The following SAMMSON variants were observed in gnomAD, a reference collection of about 807,000 sequenced individuals.
SAMMSON encodes survival associated mitochondrial melanoma specific oncogenic non-coding RNA, also known as long intergenic non-protein coding RNA 1212.
downstream of SAMMSON, among the ~76,000 whole-genome samples, chr3:70,393,150 TTACTA>T (rs1316459668): frequency 6.6e-6 from 1 of 152,218 alleles, no homozygotes; most frequent in African/African-American, 2.4e-5. Context: ...TTTATGGCCT[TTACTA>T]TAATATTTTG....
intron 6 of SAMMSON, among the ~76,000 whole-genome samples, chr3:70,250,406 G>T (rs1441905993): frequency 8.0e-6 from 1 of 125,092 alleles, no homozygotes; most frequent in East Asian, 3.0e-4. Flanking sequence ...TTCTTTTAAT[G>T]AATCTCACAC....
chr3:70,207,692 A>T (rs1428762926), intron 4 of SAMMSON, among the ~76,000 whole-genome samples: 2 of 152,106 alleles, frequency 1.3e-5, no homozygotes, highest in African/African-American at 4.8e-5. Flanking sequence ...ACAGTATAAC[A>T]ACCACTTACA....
intron 4 of SAMMSON, among the ~76,000 whole-genome samples, chr3:70,228,708 A>G (rs1464712037): frequency 1.3e-5 from 2 of 151,074 alleles, no homozygotes; most frequent in African/African-American, 4.9e-5. Context: ...GATGAAGGAA[A>G]TGTATATTCT....
intron 7 of SAMMSON, among the ~76,000 whole-genome samples, chr3:70,317,494 T>C (rs962940212): frequency 2.0e-5 from 3 of 151,908 alleles, no homozygotes; most frequent in East Asian, 3.9e-4. Flanking sequence ...TGTTTTTTTG[T>C]CTAACCAAAA....
At chr3:70,047,196 A>G (rs935385730) in intron 3 of SAMMSON, among the ~76,000 whole-genome samples, 4 of 152,164 alleles carry the variant, frequency 2.6e-5, no homozygotes, top group African/African-American at 9.7e-5. Context: ...AGTATGGTGC[A>G]TAGTATGCAC....
At chr3:70,388,878 T>C (rs984385047) in intron 9 of SAMMSON, among the ~76,000 whole-genome samples, 4 of 152,092 alleles carry the variant, frequency 2.6e-5, no homozygotes, top group Admixed American at 6.6e-5. Flanking sequence ...TGATCCCTAA[T>C]GTGGCAGTGT....
chr3:70,022,165 A>G (rs2067016194), intron 3 of SAMMSON, among the ~76,000 whole-genome samples: 1 of 151,678 alleles, frequency 6.6e-6, no homozygotes, highest in Non-Finnish European at 1.5e-5. Context: ...ATATACAGGG[A>G]TTTCTACAAA....
intron 4 of SAMMSON, among the ~76,000 whole-genome samples, chr3:70,186,931 T>A (rs1701096376): frequency 6.6e-6 from 1 of 152,206 alleles, no homozygotes; most frequent in African/African-American, 2.4e-5. Flanking sequence ...TAACCTAGTT[T>A]GAGTACTAAG....
At chr3:70,013,019 A>T (rs1295720167) in intron 2 of SAMMSON, among the ~76,000 whole-genome samples, 1 of 152,148 alleles carries the variant, frequency 6.6e-6, no homozygotes, top group Non-Finnish European at 1.5e-5. Context: ...TAGTTTTGAA[A>T]CATACTTGCT....
chr3:70,391,970 C>T (rs1363795416), downstream of SAMMSON, among the ~76,000 whole-genome samples: 1 of 152,064 alleles, frequency 6.6e-6, no homozygotes, highest in Non-Finnish European at 1.5e-5. Context: ...TGTTATGTCA[C>T]GAGAACTCTA....
intron 6 of SAMMSON, among the ~76,000 whole-genome samples, chr3:70,256,892 G>T (rs1408736636): frequency 1.3e-5 from 2 of 152,150 alleles, no homozygotes; most frequent in African/African-American, 4.8e-5. Flanking sequence ...ATGGATGCTT[G>T]GGATTTCAGC....
At chr3:70,261,166 T>G (rs563279737) in intron 6 of SAMMSON, among the ~76,000 whole-genome samples, 4 of 152,216 alleles carry the variant, frequency 2.6e-5, no homozygotes, top group East Asian at 1.9e-4. Flanking sequence ...TTTGGTTCCC[T>G]TATGCATTGC....
intron 4 of SAMMSON, among the ~76,000 whole-genome samples, chr3:70,093,944 C>G (rs755353): frequency 2.2e-4 from 34 of 152,074 alleles, no homozygotes; most frequent in African/African-American, 7.2e-4. Flanking sequence ...TTTGCAACCC[C>G]TAACCTTCTG....
chr3:70,162,392 C>A (rs2067619003), intron 4 of SAMMSON, among the ~76,000 whole-genome samples: 2 of 151,812 alleles, frequency 1.3e-5, no homozygotes, highest in South Asian at 2.1e-4. Context: ...TCTTCTTTAA[C>A]CCTTGGGTTA....
At chr3:70,175,183 A>G (rs1259032923) in intron 4 of SAMMSON, among the ~76,000 whole-genome samples, 2 of 152,124 alleles carry the variant, frequency 1.3e-5, no homozygotes, top group Non-Finnish European at 2.9e-5. Context: ...TGATATGAAT[A>G]TAGGTCTGGC....
chr3:70,061,725 T>C (rs1202126392), intron 3 of SAMMSON, among the ~76,000 whole-genome samples: 5 of 152,134 alleles, frequency 3.3e-5, no homozygotes, highest in Non-Finnish European at 7.4e-5. Context: ...TCCCTCCGCA[T>C]CTACCCACGG....
chr3:70,347,865 A>G (rs1702763413), intron 7 of SAMMSON, among the ~76,000 whole-genome samples: 1 of 152,204 alleles, frequency 6.6e-6, no homozygotes, highest in Admixed American at 6.5e-5. Context: ...CAACATGGCA[A>G]AGCCCCATCT....
intron 4 of SAMMSON, among the ~76,000 whole-genome samples, chr3:70,209,962 G>A (rs1231857123): frequency 1.3e-5 from 2 of 152,066 alleles, no homozygotes; most frequent in Admixed American, 6.6e-5. Context: ...GATAGATAAC[G>A]AGACCTTGAT....
At chr3:70,173,323 A>G (rs1016955015) in intron 4 of SAMMSON, among the ~76,000 whole-genome samples, 14 of 151,900 alleles carry the variant, frequency 9.2e-5, no homozygotes, top group South Asian at 2.1e-4. Context: ...GCATTAATCA[A>G]TTGAGTTTAA....
Sources: allele counts gnomAD v4.1 joint callset (sites outside exome capture counted in the v4.1 genomes callset), GRCh38; gene constraint gnomAD v4.1.1; transcripts MANE v1.5; gene names NCBI Gene and HGNC (gene_info 2026-07-23, HGNC 2026-07-21).